The following ENOX1 variants were observed in gnomAD, a reference collection of about 807,000 sequenced individuals.
ENOX1 encodes ecto-NOX disulfide-thiol exchanger 1.
A neutral mutation model predicts 82.5 loss-of-function variants in ENOX1; 42 were observed. The ratio of observed to expected loss-of-function variants is 0.51; its 90% confidence interval spans 0.40 to 0.66. The LOEUF (loss-of-function observed/expected upper bound fraction) is 0.66. Among genes scored for constraint, ENOX1 ranks in the 30% least tolerant of loss-of-function variants. The pLI, the probability that ENOX1 is intolerant of heterozygous loss-of-function variation, is 0.00. For missense variants in ENOX1, 608 were observed against 811.6 expected (o/e 0.75, Z 3.05); for synonymous variants, 271 against 282.2 (o/e 0.96, Z 0.40).
At chr13:43,716,511 G>A (rs2088144912) in intron 1 of ENOX1, among the ~76,000 whole-genome samples, 1 of 152,088 alleles carries the variant, frequency 6.6e-6, no homozygotes, top group Non-Finnish European at 1.5e-5. Context: ...AAGTAAGAAT[G>A]CTCAAGGAAG....
chr13:43,686,166 CTTTA>C (rs1278449322), intron 1 of ENOX1, among the ~76,000 whole-genome samples: 1 of 152,138 alleles, frequency 6.6e-6, no homozygotes. Context: ...TATACCAGGA[CTTTA>C]TTTGTGTTAT....
At chr13:43,771,450 ATGTTCTCTG>A (rs1365705399) in intron 1 of ENOX1, among the ~76,000 whole-genome samples, 1 of 152,076 alleles carries the variant, frequency 6.6e-6, no homozygotes, top group African/African-American at 2.4e-5. Flanking sequence ...AGAAGACTAG[ATGTTCTCTG>A]TGACCTCTTT....
chr13:43,454,378 C>T (rs1012815225), intron 3 of ENOX1, among the ~76,000 whole-genome samples: 24 of 151,702 alleles, frequency 1.6e-4, no homozygotes, highest in Admixed American at 1.2e-3. Flanking sequence ...ATAGTCTTGT[C>T]CAGCGCAGGA....
intron 1 of ENOX1, among the ~76,000 whole-genome samples, chr13:43,763,189 G>T (rs1206303352): frequency 6.6e-6 from 1 of 152,200 alleles, no homozygotes; most frequent in Non-Finnish European, 1.5e-5. Flanking sequence ...GCAATAACAG[G>T]ATATCATAGA....
intron 5 of ENOX1, among the ~76,000 whole-genome samples, chr13:43,391,772 A>C (rs1260854220): frequency 1.3e-5 from 2 of 152,112 alleles, no homozygotes; most frequent in Non-Finnish European, 2.9e-5. Context: ...GTGGCCTCTT[A>C]ACTGATTCTC....
chr13:43,326,348 C>T, intron 10 of ENOX1, 71 bp downstream of exon 10: 1 of 1,338,034 alleles, frequency 7.5e-7, no homozygotes, highest in Admixed American at 1.8e-5. Context: ...ACCATCATGG[C>T]TGCAGCCATG....
At chr13:43,392,555 C>A (rs763324603) in intron 5 of ENOX1, among the ~76,000 whole-genome samples, 1 of 151,990 alleles carries the variant, frequency 6.6e-6, no homozygotes. Context: ...ATTAGCCAGG[C>A]GCAGTGGCAG....
At chr13:43,614,846 T>G (rs1394558394) in intron 2 of ENOX1, among the ~76,000 whole-genome samples, 1 of 152,172 alleles carries the variant, frequency 6.6e-6, no homozygotes, top group African/African-American at 2.4e-5. Flanking sequence ...AAATGTGGTC[T>G]GAGGACCAGC....
In ENOX1 at chr13:43,781,544, G is replaced by A. The variant is rs912238049; in HGVS notation, c.-285+5108C>T. 1.0e-4 allele frequency among the ~76,000 whole-genome samples: 15 copies of A among 150,356 alleles called. 1 individual carries two copies. The highest frequency in any genetic ancestry group is 1.7e-4 in the African/African-American group (7 of 40,832). On this transcript the variant is annotated intron_variant, in intron 1 of 16. Transcript: ENST00000690772. ...ATTTTTTTTTTTTAGATGGAGTTTCGCCCTTGTTGCCCAGGCTGGAGTGCA... is the reference window on the plus strand; with the variant it reads ...ATTTTTTTTTTTTAGATGGAGTTTCACCCTTGTTGCCCAGGCTGGAGTGCA...
At chr13:43,305,561 G>GAA (rs35122430) in intron 11 of ENOX1, among the ~76,000 whole-genome samples, 5 of 151,196 alleles carry the variant, frequency 3.3e-5, no homozygotes, top group Admixed American at 6.6e-5. Flanking sequence ...GGTGACTCAG[G>GAA]AAAAAAAAAT....
At chr13:43,570,880 C>CA (rs1415940876) in intron 2 of ENOX1, among the ~76,000 whole-genome samples, 1 of 152,130 alleles carries the variant, frequency 6.6e-6, no homozygotes, top group Admixed American at 6.5e-5. Context: ...ATATTTTAGG[C>CA]AAGATGTCCC....
chr13:43,454,620 G>T (rs777326155), intron 3 of ENOX1, among the ~76,000 whole-genome samples: 4 of 149,576 alleles, frequency 2.7e-5, no homozygotes, highest in Non-Finnish European at 5.9e-5. Context: ...TTTCCAGTGG[G>T]TTAAATGGCA....
intron 11 of ENOX1, among the ~76,000 whole-genome samples, chr13:43,306,853 A>G (rs2046899587): frequency 6.6e-6 from 1 of 152,014 alleles, no homozygotes; most frequent in Non-Finnish European, 1.5e-5. Context: ...ACACAGTTAT[A>G]TTAGTATTTG....
chr13:43,762,173 A>G (rs923236528), intron 1 of ENOX1, among the ~76,000 whole-genome samples: 3 of 152,210 alleles, frequency 2.0e-5, no homozygotes, highest in African/African-American at 7.2e-5. Context: ...GGGGCAATTT[A>G]AACTTCATTA....
chr13:43,394,154 T>C (rs1036118935), intron 5 of ENOX1, among the ~76,000 whole-genome samples: 1 of 152,216 alleles, frequency 6.6e-6, no homozygotes, highest in African/African-American at 2.4e-5. Context: ...CAGGGATTCT[T>C]TTACAGCAAT....
At chr13:43,607,063 A>C (rs2082005286) in intron 2 of ENOX1, among the ~76,000 whole-genome samples, 1 of 152,154 alleles carries the variant, frequency 6.6e-6, no homozygotes, top group South Asian at 2.1e-4. Flanking sequence ...TACAGTCAAC[A>C]ATAATTTATT....
At chr13:43,750,495 C>T (rs1339795062) in intron 1 of ENOX1, among the ~76,000 whole-genome samples, 1 of 152,146 alleles carries the variant, frequency 6.6e-6, no homozygotes, top group Non-Finnish European at 1.5e-5. Flanking sequence ...TACCATGGCT[C>T]AACTACACTG....
chr13:43,515,034 T>C (rs1310508465), intron 2 of ENOX1, among the ~76,000 whole-genome samples: 1 of 152,172 alleles, frequency 6.6e-6, no homozygotes, highest in Non-Finnish European at 1.5e-5. Context: ...ACATTTTGTT[T>C]CATTTTCATG....
intron 2 of ENOX1, among the ~76,000 whole-genome samples, chr13:43,574,152 C>T (rs2080308828): frequency 1.3e-5 from 2 of 152,102 alleles, no homozygotes; most frequent in South Asian, 4.1e-4. Context: ...CCAATTTTCC[C>T]TCTCAAAATT....
Sources: allele counts gnomAD v4.1 joint callset (sites outside exome capture counted in the v4.1 genomes callset), GRCh38; gene constraint gnomAD v4.1.1; transcripts MANE v1.5; gene names NCBI Gene and HGNC (gene_info 2026-07-23, HGNC 2026-07-21).